The following HIPK2 variants were observed in gnomAD, a reference collection of about 807,000 sequenced individuals.
HIPK2 encodes homeodomain interacting protein kinase 2.
In HIPK2, 27 loss-of-function variants were observed where a neutral mutation model predicts 113.7. That is an observed-to-expected ratio of 0.24 (90% confidence interval 0.17 to 0.33). The LOEUF is 0.33. Ranked by LOEUF, HIPK2 falls within the 10% of genes least tolerant of loss-of-function variation. The pLI, the probability that HIPK2 is intolerant of heterozygous loss-of-function variation, is 1.00. For missense variants in HIPK2, 1,257 were observed against 1,588.0 expected, an observed-to-expected ratio of 0.79 and a Z score of 3.54; for synonymous variants, 631 against 642.2, an observed-to-expected ratio of 0.98 and a Z score of 0.26.
At chr7:139,776,619 G>A (rs928160159) in intron 1 of HIPK2, among the ~76,000 whole-genome samples, 49 of 151,998 alleles carry the variant, frequency 3.2e-4, no homozygotes, top group African/African-American at 1.1e-3. Flanking sequence ...GAAAGCCGGG[G>A]GACCCACGCT....
intron 2 of HIPK2, among the ~76,000 whole-genome samples, chr7:139,679,454 A>G (rs913049924): frequency 6.6e-6 from 1 of 152,094 alleles, no homozygotes; most frequent in African/African-American, 2.4e-5. Flanking sequence ...GGGTAGACAG[A>G]GAAGTGTAAA....
intron 9 of HIPK2, among the ~76,000 whole-genome samples, chr7:139,605,436 CTCTT>C (rs1470756521): frequency 2.6e-5 from 4 of 152,166 alleles, no homozygotes; most frequent in Admixed American, 6.5e-5. Context: ...TTAGCCATCT[CTCTT>C]TCTATCAGAG....
At chr7:139,751,763 A>G (rs563031911) in intron 1 of HIPK2, among the ~76,000 whole-genome samples, 2 of 152,296 alleles carry the variant, frequency 1.3e-5, no homozygotes, top group South Asian at 4.1e-4. Flanking sequence ...ATGCCATAAG[A>G]ATCACAATCT....
chr7:139,700,477 C>T (rs1488508513), intron 2 of HIPK2, among the ~76,000 whole-genome samples: 11 of 152,206 alleles, frequency 7.2e-5, no homozygotes, highest in South Asian at 2.1e-4. Context: ...TCATCAGCAA[C>T]GACCTGCTTC....
intron 2 of HIPK2, among the ~76,000 whole-genome samples, chr7:139,666,032 A>T (rs1455086194): frequency 6.6e-6 from 1 of 151,454 alleles, no homozygotes; most frequent in East Asian, 1.9e-4. Flanking sequence ...CTGCCGATAG[A>T]CAGTGACTAT....
At position 139,604,369 on chromosome 7, in the gene HIPK2, A is replaced by C. The variant is rs113943816; in HGVS notation, c.2113-146T>G. ...GGCCTGGTCTCTGGCCTCAAAAACT[A>C]AAGTAAGGGGAGATAAACAATGAAC... On this transcript the variant is annotated intron_variant, in intron 9 of 14. Transcript: ENST00000406875. 1,149 of 1,144,468 alleles carry C rather than the reference A, an allele frequency of 1.0e-3. 8 individuals are homozygous for C. The African/African-American group carries it at 0.016, about 16-fold the overall frequency. The allele number at this position is 1,144,468 out of a possible 1,614,324, so 70.9% of individuals were successfully genotyped here. A position where few individuals can be genotyped will look rare whatever the true frequency, so the allele number is the denominator to read the frequency against.
chr7:139,568,060 C>T lies in HIPK2; in HGVS notation c.*4867G>A, dbSNP rs1399336385. The T allele has an allele frequency of 6.6e-6, 1 of 152,376 alleles. No homozygotes were observed. The highest frequency in any genetic ancestry group is 1.5e-5 in the Non-Finnish European group (1 of 68,130). The allele number at this position is 152,376 out of a possible 1,614,324, so 9.4% of individuals were successfully genotyped here. On this transcript the variant is annotated 3_prime_UTR_variant, in exon 15 of 15. Coordinates refer to ENST00000406875, the MANE Select transcript of HIPK2 (RefSeq NM_022740.5). ...GCTCACACGGCCTAAATCTTCCACC[C>T]CAAGCTTGTTCCAATATGAGTGTTT...
chr7:139,747,023 C>A (rs1360188776), intron 1 of HIPK2, among the ~76,000 whole-genome samples: 2 of 152,188 alleles, frequency 1.3e-5, no homozygotes, highest in Non-Finnish European at 2.9e-5. Flanking sequence ...TGAGCCAAAG[C>A]CGCTGGTGAT....
chr7:139,697,191 G>A (rs1345778402), intron 2 of HIPK2, among the ~76,000 whole-genome samples: 5 of 152,074 alleles, frequency 3.3e-5, no homozygotes, highest in African/African-American at 9.7e-5. Context: ...CTCCTGCCTC[G>A]CTGTGCACAC....
intron 6 of HIPK2, among the ~76,000 whole-genome samples, chr7:139,622,235 C>T (rs933141777): frequency 1.3e-5 from 2 of 152,208 alleles, no homozygotes; most frequent in East Asian, 1.9e-4. Context: ...ACACTGGCTG[C>T]GTCATGCACA....
intron 2 of HIPK2, among the ~76,000 whole-genome samples, chr7:139,669,097 A>G (rs181303241): frequency 6.6e-6 from 1 of 152,336 alleles, no homozygotes; most frequent in Admixed American, 6.5e-5. Context: ...CTTTCTCTGG[A>G]TTAATCCCTT....
intron 2 of HIPK2, among the ~76,000 whole-genome samples, chr7:139,666,294 C>A (rs1017356216): frequency 6.6e-6 from 1 of 152,144 alleles, no homozygotes; most frequent in Non-Finnish European, 1.5e-5. Flanking sequence ...TTCCAGCTAC[C>A]ATGGGTTCAG....
Position 139,635,872 on chromosome 7 carries a change from C to CA in HIPK2, c.1104-4148dup, listed in dbSNP as rs541206589. ...CAGAACACAAGAACAAAACAGAACA[C>CA]AAAAAACAAAACAAAAGCCCCAAAC... On this transcript the variant is annotated intron_variant, in intron 2 of 14. Transcript: ENST00000406875. Among the ~76,000 whole-genome samples the CA allele has an allele frequency of 5.1e-4, 78 of 152,286 alleles. 1 individual carries two copies. The highest frequency in any genetic ancestry group is 4.7e-3 in the Admixed American group (72 of 15,298).
Position 139,737,902 on chromosome 7 carries a change from G to C in HIPK2, c.20-20887C>G, listed in dbSNP as rs1399007895. On this transcript the variant is annotated intron_variant, in intron 1 of 14. Coordinates refer to ENST00000406875, the MANE Select transcript of HIPK2 (RefSeq NM_022740.5). ...TCACAGACCAAATGTCAGCACAGGAGGAAGCTGCACCTTGAGTTATTCAAC... is the reference window on the plus strand; with the variant it reads ...TCACAGACCAAATGTCAGCACAGGACGAAGCTGCACCTTGAGTTATTCAAC... Among the ~76,000 whole-genome samples the C allele has an allele frequency of 2.6e-5, 4 of 152,190 alleles. No individual in the cohort carries two copies. The South Asian group carries it at 6.2e-4, about 24-fold the overall frequency.
intron 2 of HIPK2, among the ~76,000 whole-genome samples, chr7:139,633,587 G>A (rs951407304): frequency 2.6e-5 from 4 of 151,824 alleles, no homozygotes; most frequent in Admixed American, 6.6e-5. Context: ...TGAGATGGGA[G>A]GATCACTTGA....
intron 1 of HIPK2, among the ~76,000 whole-genome samples, chr7:139,730,383 C>T (rs1795737043): frequency 6.7e-6 from 1 of 150,170 alleles, no homozygotes; most frequent in Non-Finnish European, 1.5e-5. Flanking sequence ...TTTTTGGAGA[C>T]AAAGTCTCAC....
Position 139,637,123 on chromosome 7 carries a change from C to T in HIPK2, c.1104-5398G>A, listed in dbSNP as rs1007593074. 2.0e-5 allele frequency among the ~76,000 whole-genome samples: 3 copies of T among 152,338 alleles called. No homozygotes were observed. In the East Asian group the frequency reaches 5.8e-4, roughly 29 times the overall value. On this transcript the variant is annotated intron_variant, in intron 2 of 14. Transcript: ENST00000406875. ...TCAAGTCAGCCCCTGATTCTCCATCCCCCCTGCCGCAGCAGTGGCGCTGGT... is the reference window on the plus strand; with the variant it reads ...TCAAGTCAGCCCCTGATTCTCCATCTCCCCTGCCGCAGCAGTGGCGCTGGT...
chr7:139,595,814 T>C (rs1019489620), intron 12 of HIPK2, among the ~76,000 whole-genome samples: 1 of 152,254 alleles, frequency 6.6e-6, no homozygotes, highest in Admixed American at 6.5e-5. Context: ...ATTAGTTACA[T>C]TGCATCCAAT....
intron 2 of HIPK2, among the ~76,000 whole-genome samples, chr7:139,700,369 C>A (rs1398744372): frequency 6.6e-6 from 1 of 152,138 alleles, no homozygotes; most frequent in Non-Finnish European, 1.5e-5. Flanking sequence ...CAGTGCCCTA[C>A]GTGATGGGGA....
Sources: gnomAD v4.1 joint callset for allele counts (sites outside exome capture counted in the v4.1 genomes callset) on GRCh38, gnomAD v4.1.1 for gene constraint, MANE v1.5 for transcripts, NCBI Gene and HGNC (gene_info 2026-07-23, HGNC 2026-07-21) for gene names.